The following ZNF609 variants were observed in gnomAD, a reference collection of about 807,000 sequenced individuals.
The protein encoded by ZNF609 is zinc finger protein 609.
A neutral mutation model predicts 109.5 loss-of-function variants in ZNF609; 11 were observed. That is an observed-to-expected ratio of 0.10 (90% CI 0.06 to 0.17). The LOEUF (loss-of-function observed/expected upper bound fraction) is 0.17. Ranked by LOEUF, ZNF609 falls within the 10% of genes least tolerant of loss-of-function variation. The pLI is 1.00. For synonymous variants in ZNF609, 646 were observed against 662.0 expected, an observed-to-expected ratio of 0.98 and a Z score of 0.37; for missense variants, 1,559 against 1,772.4, an observed-to-expected ratio of 0.88 and a Z score of 2.16.
At chr15:64,579,935 A>C (rs1895070138) in intron 2 of ZNF609, among the ~76,000 whole-genome samples, 1 of 152,122 alleles carries the variant, frequency 6.6e-6, no homozygotes, top group Non-Finnish European at 1.5e-5. Context: ...GCCTCCTCCA[A>C]AAAAAATCTA....
intron 1 of ZNF609, among the ~76,000 whole-genome samples, chr15:64,475,888 G>A (rs1893162836): frequency 6.6e-6 from 1 of 152,084 alleles, no homozygotes; most frequent in Admixed American, 6.6e-5. Context: ...GATTTTTTTA[G>A]ACTTCTTTTT....
chr15:64,674,126 C>T lies in ZNF609; in HGVS notation c.1272C>T (p.Ser424=). The part of the protein sequence containing the change: ...QNSSEHRPPA[S]STSEDVKASP... ...CTTCAGAGCACCGCCCACCTGCCAG[C>T]AGCACTTCTGAGGATGTCAAGGCCA... Residue 424 remains serine (S), a synonymous_variant, in exon 5 of 10, where the codon AGC becomes AGT. Transcript: ENST00000326648. 6.2e-7 allele frequency: 1 copy of T among 1,614,206 alleles called. No individual in the cohort carries two copies. Among genetic ancestry groups the T allele is most frequent in the African/African-American group, 1.3e-5 (1 of 75,054 alleles).
chr15:64,602,716 CTTTTTTTTTT>C (rs10600561), intron 2 of ZNF609, among the ~76,000 whole-genome samples: 15 of 55,576 alleles, frequency 2.7e-4, no homozygotes, highest in African/African-American at 9.8e-4. Flanking sequence ...TTTTTTCTTT[CTTTTTTTTTT>C]TTTTTTTTTT....
At chr15:64,522,599 T>C (rs183283637) in intron 2 of ZNF609, among the ~76,000 whole-genome samples, 1 of 152,334 alleles carries the variant, frequency 6.6e-6, no homozygotes, top group Admixed American at 6.5e-5. Flanking sequence ...GGGTGTTTGT[T>C]TTTTTTAAAC....
chr15:64,658,512 T>C (rs1442221181), intron 3 of ZNF609, among the ~76,000 whole-genome samples: 3 of 152,032 alleles, frequency 2.0e-5, no homozygotes, highest in Non-Finnish European at 2.9e-5. Flanking sequence ...TAAAAATTAT[T>C]GAAGGGCCAC....
At chr15:64,666,174 G>C (rs148966136) in intron 3 of ZNF609, among the ~76,000 whole-genome samples, 1 of 151,712 alleles carries the variant, frequency 6.6e-6, no homozygotes, top group Non-Finnish European at 1.5e-5. Context: ...TGGGTGGATC[G>C]CTTGGGGCCA....
intron 2 of ZNF609, among the ~76,000 whole-genome samples, chr15:64,616,786 T>C (rs1044012955): frequency 7.4e-6 from 1 of 135,110 alleles, no homozygotes; most frequent in East Asian, 2.4e-4. Context: ...CCCAAAGTGC[T>C]GGGATTACAG....
At chr15:64,632,096 T>C (rs1264556751) in intron 3 of ZNF609, among the ~76,000 whole-genome samples, 1 of 152,172 alleles carries the variant, frequency 6.6e-6, no homozygotes, top group East Asian at 1.9e-4. Context: ...GCAAGATCAC[T>C]GGCTCACATA....
chr15:64,653,443 G>A (rs1176739222), intron 3 of ZNF609, among the ~76,000 whole-genome samples: 2 of 152,152 alleles, frequency 1.3e-5, no homozygotes, highest in African/African-American at 4.8e-5. Context: ...TCAGGAGTTT[G>A]AGAACAGCCT....
rs771940316 is a variant in ZNF609, at chr15:64,622,939, T to C, written c.860T>C (p.Val287Ala). 8.1e-6 allele frequency: 13 copies of C among 1,614,210 alleles called. No homozygotes were observed. The highest frequency in any genetic ancestry group is 1.0e-5 in the Non-Finnish European group (12 of 1,180,012). ...CAGATCATGGTTCGTACCCGATCAG[T>C]TGGGGTCAACACATGTGATGTGGCT... ...CEQIMVRTRS[V>A]GVNTCDVALA... The change falls in exon 3 of 10, where the codon GTT (valine) becomes GCT (alanine). Residue 287 changes from valine to alanine, a missense_variant. Coordinates refer to ENST00000326648, the MANE Select transcript of ZNF609 (RefSeq NM_015042.2).
chr15:64,489,534 T>C (rs1893381414), intron 1 of ZNF609, among the ~76,000 whole-genome samples: 1 of 149,708 alleles, frequency 6.7e-6, no homozygotes, highest in South Asian at 2.1e-4. Flanking sequence ...TTCACTTTTT[T>C]TTTTTTTTTT....
At chr15:64,580,782 C>T (rs141974994) in intron 2 of ZNF609, among the ~76,000 whole-genome samples, 1,964 of 151,846 alleles carry the variant, frequency 0.013, 31 homozygotes, top group African/African-American at 0.046. Flanking sequence ...ATCCTCCCAC[C>T]GTGGCCTCCC....
intron 2 of ZNF609, among the ~76,000 whole-genome samples, chr15:64,578,295 T>C (rs759990209): frequency 6.6e-6 from 1 of 152,108 alleles, no homozygotes; most frequent in Non-Finnish European, 1.5e-5. Context: ...TTCACTGCAG[T>C]CCTAAGTCTT....
At chr15:64,565,799 C>G (rs1894766776) in intron 2 of ZNF609, among the ~76,000 whole-genome samples, 2 of 152,208 alleles carry the variant, frequency 1.3e-5, no homozygotes, top group Middle Eastern at 3.4e-3. Flanking sequence ...TTACACTGAC[C>G]TATACATTCA....
intron 2 of ZNF609, among the ~76,000 whole-genome samples, chr15:64,612,686 G>T (rs1428449427): frequency 1.3e-5 from 2 of 148,218 alleles, no homozygotes. Flanking sequence ...TTTTCCAAAG[G>T]CAGGGGAGAG....
At chr15:64,551,799 T>C (rs1894481571) in intron 2 of ZNF609, among the ~76,000 whole-genome samples, 1 of 149,736 alleles carries the variant, frequency 6.7e-6, no homozygotes, top group Non-Finnish European at 1.5e-5. Flanking sequence ...TCGCACGTTT[T>C]GTGGCAACTA....
chr15:64,615,636 A>G, intron 2 of ZNF609, among the ~76,000 whole-genome samples: 1 of 151,770 alleles, frequency 6.6e-6, no homozygotes, highest in African/African-American at 2.4e-5. Context: ...ATGGGCATGC[A>G]CCACCATGCC....
intron 2 of ZNF609, among the ~76,000 whole-genome samples, chr15:64,522,025 G>C (rs1440212810): frequency 1.3e-5 from 2 of 152,172 alleles, no homozygotes; most frequent in African/African-American, 2.4e-5. Flanking sequence ...CTGGTGACTC[G>C]AGACAAAAGC....
At position 64,499,311 on chromosome 15, in the gene ZNF609, G is replaced by A; in HGVS notation, c.-109G>A. On this transcript the variant is annotated 5_prime_UTR_variant, in exon 2 of 10. Transcript: ENST00000326648. ...TTTCCAGCAATGATGTTGTCCACTG[G>A]GCATGTACTGACCAATGTGGCAGGT... is the stretch of plus-strand genomic sequence containing the variant. The A allele has an allele frequency of 1.4e-6, 2 of 1,415,896 alleles. No individual in the cohort carries two copies. The highest frequency in any genetic ancestry group is 1.4e-5 in the South Asian group (1 of 72,980). The allele number at this position is 1,415,896 out of a possible 1,614,324, so 87.7% of individuals were successfully genotyped here.
Sources: gnomAD v4.1 joint callset for allele counts (sites outside exome capture counted in the v4.1 genomes callset) on GRCh38, gnomAD v4.1.1 for gene constraint, MANE v1.5 for transcripts, NCBI Gene and HGNC (gene_info 2026-07-23, HGNC 2026-07-21) for gene names.